The following TMC1 variants were observed in gnomAD, a reference collection of about 807,000 sequenced individuals.
TMC1 encodes the protein transmembrane channel-like protein 1.
A neutral mutation model predicts 105.8 loss-of-function variants in TMC1; 84 were observed. The ratio of observed to expected loss-of-function variants is 0.79; its 90% CI spans 0.67 to 0.95. The LOEUF (loss-of-function observed/expected upper bound fraction) is 0.95. Ranked by LOEUF, TMC1 falls within the 40% of genes least tolerant of loss-of-function variation. The probability of loss-of-function intolerance (pLI) is 0.00; values close to 1 mark genes in which losing one functional copy is unlikely to be tolerated. For synonymous variants in TMC1, 315 were observed against 311.5 expected (o/e 1.01, Z -0.12); for missense variants, 817 against 914.1 (o/e 0.89, Z 1.37).
intron 5 of TMC1, among the ~76,000 whole-genome samples, chr9:72,667,461 C>T (rs1826061722): frequency 6.6e-6 from 1 of 152,222 alleles, no homozygotes; most frequent in Non-Finnish European, 1.5e-5. Flanking sequence ...AGAAATCTCT[C>T]ACCTGCTCAT....
At chr9:72,820,717 T>C in intron 19 of TMC1, 125 bp from the exon 20 acceptor site, 1 of 1,178,982 alleles carries the variant, frequency 8.5e-7, no homozygotes, top group East Asian at 2.4e-5. Context: ...AGGGTTTGTC[T>C]GGTTGAAAGT....
chr9:72,612,346 A>AT (rs551757687), intron 2 of TMC1, among the ~76,000 whole-genome samples: 10 of 151,478 alleles, frequency 6.6e-5, no homozygotes, highest in South Asian at 2.1e-4. Context: ...AATTTTTTGT[A>AT]TTTTTTTTGT....
At chr9:72,806,599 G>T (rs535860727) in intron 18 of TMC1, among the ~76,000 whole-genome samples, 1 of 151,328 alleles carries the variant, frequency 6.6e-6, no homozygotes, top group Non-Finnish European at 1.5e-5. Flanking sequence ...CGGCCGGGCA[G>T]AGATGCTCCT....
intron 13 of TMC1, among the ~76,000 whole-genome samples, chr9:72,777,509 T>C (rs1471636553): frequency 6.6e-6 from 1 of 152,188 alleles, no homozygotes; most frequent in African/African-American, 2.4e-5. Flanking sequence ...CAGGGCATGA[T>C]ATTCTGGCAA....
At chr9:72,755,007 C>G in intron 12 of TMC1, 123 bp downstream of exon 12, 1 of 482,822 alleles carries the variant, frequency 2.1e-6, no homozygotes, top group Non-Finnish European at 4.0e-6. Flanking sequence ...CGTCCCTGCT[C>G]CCTTTAAGAA....
intron 4 of TMC1, among the ~76,000 whole-genome samples, chr9:72,630,159 C>G (rs1825424670): frequency 6.6e-6 from 1 of 152,124 alleles, no homozygotes; most frequent in African/African-American, 2.4e-5. Flanking sequence ...AGCTACCACG[C>G]CTGGCCTGGG....
At chr9:72,772,299 C>T in intron 12 of TMC1, 114 bp from the exon 13 acceptor site, 1 of 1,342,704 alleles carries the variant, frequency 7.4e-7, no homozygotes, top group Non-Finnish European at 1.1e-6. Context: ...CATGTCAGAG[C>T]TGTGACCCAA....
At chr9:72,654,139 G>A (rs977459905) in intron 5 of TMC1, among the ~76,000 whole-genome samples, 2 of 152,152 alleles carry the variant, frequency 1.3e-5, no homozygotes, top group Non-Finnish European at 2.9e-5. Context: ...GAATTGCTGG[G>A]TTGTACAGTA....
In TMC1 at chr9:72,772,449, T is replaced by A. The variant is rs1588076103; in HGVS notation, c.778T>A (p.Tyr260Asn). 5.0e-6 allele frequency: 8 copies of A among 1,613,974 alleles called. No homozygotes were observed. Among genetic ancestry groups the A allele is most frequent in the East Asian group, 2.2e-5 (1 of 44,866 alleles). Residue 260 changes from tyrosine (Y) to asparagine (N), a missense_variant, in exon 13 of 24, where the codon TAT (tyrosine) becomes AAT (asparagine). Transcript: ENST00000297784. Reference sequence around the variant, plus strand: ...ATATTCCGTTCTCTTTTATGGCTATTATGACAATAAACGAACAATTGGATG... The same window carrying A: ...ATATTCCGTTCTCTTTTATGGCTATAATGACAATAAACGAACAATTGGATG... The part of the protein sequence containing the change: ...AQYSVLFYGY[Y>N]DNKRTIGWMN...
chr9:72,577,009 AT>A (rs1432246698), intron 1 of TMC1, among the ~76,000 whole-genome samples: 1 of 151,192 alleles, frequency 6.6e-6, no homozygotes, highest in Non-Finnish European at 1.5e-5. Flanking sequence ...GCCAACTGGG[AT>A]TTTTTTCAAT....
At chr9:72,703,547 T>C (rs1826680689) in intron 8 of TMC1, among the ~76,000 whole-genome samples, 1 of 152,236 alleles carries the variant, frequency 6.6e-6, no homozygotes, top group Non-Finnish European at 1.5e-5. Flanking sequence ...TGGCCTCTAT[T>C]AATGGGGCAT....
At chr9:72,524,715 T>C (rs995642080) in intron 1 of TMC1, among the ~76,000 whole-genome samples, 2 of 152,152 alleles carry the variant, frequency 1.3e-5, no homozygotes, top group African/African-American at 4.8e-5. Context: ...ATGGAAAAGA[T>C]AGGTATGCAT....
At chr9:72,690,581 A>G (rs1826448638) in intron 6 of TMC1, among the ~76,000 whole-genome samples, 1 of 152,134 alleles carries the variant, frequency 6.6e-6, no homozygotes, top group Non-Finnish European at 1.5e-5. Context: ...TTTATAAAGG[A>G]CAAACTTGCT....
chr9:72,753,291 T>TTTC (rs1374272273), intron 11 of TMC1, among the ~76,000 whole-genome samples: 1 of 147,392 alleles, frequency 6.8e-6, no homozygotes, highest in African/African-American at 2.5e-5. Context: ...CCCAGCTTTT[T>TTTC]TTTTTTTTTT....
chr9:72,553,043 G>C (rs527633019), intron 1 of TMC1, among the ~76,000 whole-genome samples: 87 of 151,836 alleles, frequency 5.7e-4, no homozygotes, highest in Non-Finnish European at 1.1e-3. Flanking sequence ...GCATGATCTC[G>C]GGTCACAGCA....
rs142885562 is a variant in TMC1, at chr9:72,807,271, A to G, written c.1695+1761A>G. Among the ~76,000 whole-genome samples the G allele has an allele frequency of 5.5e-3, 835 of 152,270 alleles. 6 individuals carry two copies. The highest frequency in any genetic ancestry group is 0.019 in the African/African-American group (802 of 41,556). The stretch of plus-strand genomic sequence containing the variant: ...AGAGAGGGAGAGGGAGACCATGGGG[A>G]GAGGGAGAGGGAGTAATTTTGCGCT... On this transcript the variant is annotated intron_variant, in intron 18 of 23. Transcript: ENST00000297784.
intron 13 of TMC1, among the ~76,000 whole-genome samples, chr9:72,775,945 C>A (rs2118138709): frequency 6.6e-6 from 1 of 152,228 alleles, no homozygotes; most frequent in Non-Finnish European, 1.5e-5. Flanking sequence ...CTTACTATCC[C>A]CTGCAAAAGA....
intron 7 of TMC1, 128 bp downstream of exon 7, chr9:72,694,842 T>G (rs973604069): frequency 3.1e-5 from 25 of 795,672 alleles, no homozygotes; most frequent in Non-Finnish European, 5.0e-5. Context: ...CTGATGATGC[T>G]ATTTTATTCT....
At chr9:72,768,606 A>G (rs1827875493) in intron 12 of TMC1, among the ~76,000 whole-genome samples, 1 of 152,082 alleles carries the variant, frequency 6.6e-6, no homozygotes, top group Admixed American at 6.6e-5. Context: ...GCCTGCCCCA[A>G]CTAGAAAAAC....
Sources: allele counts gnomAD v4.1 joint callset (sites outside exome capture counted in the v4.1 genomes callset), GRCh38; gene constraint gnomAD v4.1.1; transcripts MANE v1.5; gene names NCBI Gene and HGNC (gene_info 2026-07-23, HGNC 2026-07-21).